Variants in MYH15 observed in about 807,000 individuals in gnomAD.
The protein encoded by MYH15 is myosin-15.
In MYH15, 227 loss-of-function variants were observed where a neutral mutation model predicts 240.5. The ratio of observed to expected loss-of-function variants is 0.94; its 90% confidence interval spans 0.85 to 1.05. The LOEUF is 1.05. Among genes scored for constraint, MYH15 ranks in the 50% least tolerant of loss-of-function variants. The pLI is 0.00. For synonymous variants in MYH15, 785 were observed against 796.7 expected (o/e 0.99, Z 0.25); for missense variants, 2,217 against 2,247.5 (o/e 0.99, Z 0.27).
At chr3:108,422,281 G>A (rs555223261) in intron 27 of MYH15, among the ~76,000 whole-genome samples, 21 of 149,586 alleles carry the variant, frequency 1.4e-4, no homozygotes, top group African/African-American at 4.7e-4. Context: ...GCAATGGCAC[G>A]ATCTTGGCTC....
chr3:108,440,900 TA>T, intron 23 of MYH15, 117 bp downstream of exon 23: 1 of 1,237,678 alleles, frequency 8.1e-7, no homozygotes, highest in Non-Finnish European at 1.2e-6. Context: ...CTCAATGCTG[TA>T]AAGTTGCAGG....
intron 11 of MYH15, among the ~76,000 whole-genome samples, chr3:108,481,162 T>C (rs925319398): frequency 2.6e-5 from 4 of 152,196 alleles, no homozygotes; most frequent in African/African-American, 9.6e-5. Context: ...TCACATATAA[T>C]TTGGTAAAAA....
chr3:108,528,841 C>G (rs1370975287), intron 1 of MYH15, among the ~76,000 whole-genome samples: 1 of 152,074 alleles, frequency 6.6e-6, no homozygotes. Context: ...CCAGAGAAAA[C>G]TACTCTCAGT....
intron 19 of MYH15, among the ~76,000 whole-genome samples, chr3:108,456,126 AAGAG>A (rs2083017621): frequency 6.8e-6 from 1 of 147,220 alleles, no homozygotes; most frequent in Non-Finnish European, 1.5e-5. Context: ...TGGAAGAGGA[AAGAG>A]AGGGAGGGAG....
chr3:108,480,786 T>C (rs1370126623), intron 11 of MYH15, among the ~76,000 whole-genome samples: 2 of 152,134 alleles, frequency 1.3e-5, no homozygotes, highest in East Asian at 3.9e-4. Flanking sequence ...CATGCAGAGT[T>C]TAGGATACTA....
At chr3:108,522,262 G>C (rs1244601766) in intron 1 of MYH15, among the ~76,000 whole-genome samples, 1 of 152,076 alleles carries the variant, frequency 6.6e-6, no homozygotes, top group Non-Finnish European at 1.5e-5. Context: ...CATGATCAGG[G>C]AGATTCTGAT....
intron 1 of MYH15, among the ~76,000 whole-genome samples, chr3:108,518,596 C>T (rs1426228698): frequency 6.6e-6 from 1 of 152,158 alleles, no homozygotes; most frequent in Non-Finnish European, 1.5e-5. Flanking sequence ...TGACTGACAC[C>T]CACACCTCAT....
chr3:108,381,669 A>T, intron 40 of MYH15, 110 bp from the exon 41 acceptor site: 2 of 1,183,244 alleles, frequency 1.7e-6, no homozygotes, highest in South Asian at 1.2e-5. Context: ...GGCCTTAGCC[A>T]ACTCTTCATT....
chr3:108,456,934 G>C (rs967376945), intron 18 of MYH15, 51 bp from the exon 19 acceptor site: 4 of 1,374,650 alleles, frequency 2.9e-6, no homozygotes, highest in Non-Finnish European at 4.1e-6. Context: ...AAAAATTATT[G>C]GGACAGATTT....
chr3:108,515,539 A>T (rs969266748), upstream of MYH15, among the ~76,000 whole-genome samples: 4 of 152,178 alleles, frequency 2.6e-5, no homozygotes, highest in African/African-American at 4.8e-5. Context: ...ACTTTAAATA[A>T]TCTGAAGTGA....
chr3:108,481,420 G>A (rs1403204257), intron 11 of MYH15, among the ~76,000 whole-genome samples: 1 of 152,192 alleles, frequency 6.6e-6, no homozygotes, highest in Non-Finnish European at 1.5e-5. Context: ...ATCTGGTGGA[G>A]ATTGAGGGGT....
chr3:108,475,646 T>TAC (rs2083213799), intron 12 of MYH15, among the ~76,000 whole-genome samples: 1 of 152,236 alleles, frequency 6.6e-6, no homozygotes, highest in African/African-American at 2.4e-5. Context: ...GAAGGCTGTA[T>TAC]ACTCTGTATT....
chr3:108,403,846 A>G (rs897440545), intron 33 of MYH15, among the ~76,000 whole-genome samples: 1 of 151,804 alleles, frequency 6.6e-6, no homozygotes, highest in Admixed American at 6.6e-5. Context: ...TTTCGCACTA[A>G]GATTATTATA....
chr3:108,542,501 G>A, the MYH15 span, among the ~76,000 whole-genome samples: 1 of 152,048 alleles, frequency 6.6e-6, no homozygotes, highest in Non-Finnish European at 1.5e-5. Flanking sequence ...TTTTCATTTA[G>A]CAATATGCAT....
chr3:108,466,619 C>T lies in MYH15; in HGVS notation c.1555-1805G>A, dbSNP rs376447602. On this transcript the variant is annotated intron_variant, in intron 14 of 40. Transcript: ENST00000693548. ...ATAGTGCCTGCTTATACCTGAGTAA[C>T]GGGTTTCATTTCTCTATCAGCCCAT... is the stretch of plus-strand genomic sequence containing the variant. 3.0e-4 allele frequency among the ~76,000 whole-genome samples: 45 copies of T among 152,248 alleles called. 1 individual carries two copies. In the East Asian group the frequency reaches 7.3e-3, roughly 25 times the overall value.
At chr3:108,418,582 C>G (rs1030839468) in intron 28 of MYH15, among the ~76,000 whole-genome samples, 7 of 151,662 alleles carry the variant, frequency 4.6e-5, no homozygotes, top group Non-Finnish European at 5.9e-5. Context: ...TCCTGAGAAT[C>G]ACTTGGGATA....
In MYH15 at chr3:108,470,730, T is replaced by G; in HGVS notation, c.1351A>C (p.Ile451Leu). 6.2e-7 allele frequency: 1 copy of G among 1,613,840 alleles called. No individual in the cohort carries two copies. Among genetic ancestry groups the G allele is most frequent in the Non-Finnish European group, 8.5e-7 (1 of 1,179,852 alleles). ...AKLSRQFFIG[I>L]LDITGFEILE... The stretch of plus-strand genomic sequence containing the variant: ...ATTTCAAAACCAGTGATGTCAAGAA[T>G]GCCAATGAAGAACTGCCTTGACAGC... Residue 451 changes from isoleucine to leucine, a missense_variant, in exon 13 of 41, where the codon ATT becomes CTT. Physicochemically the swap from Ile to Leu is conservative, Grantham distance 5. Transcript: ENST00000693548.
intron 1 of MYH15, among the ~76,000 whole-genome samples, chr3:108,521,641 A>G (rs889133106): frequency 6.6e-6 from 1 of 152,212 alleles, no homozygotes; most frequent in Non-Finnish European, 1.5e-5. Context: ...ATTTTTACCA[A>G]AATGAATCAA....
chr3:108,450,304 T>C (rs999072979), intron 21 of MYH15, among the ~76,000 whole-genome samples: 1 of 152,172 alleles, frequency 6.6e-6, no homozygotes, highest in African/African-American at 2.4e-5. Context: ...TCAACCTAAG[T>C]GTTCATTGAC....
Sources: gnomAD v4.1 joint callset for allele counts (sites outside exome capture counted in the v4.1 genomes callset) on GRCh38, gnomAD v4.1.1 for gene constraint, MANE v1.5 for transcripts, NCBI Gene and HGNC (gene_info 2026-07-23, HGNC 2026-07-21) for gene names.